Variants in TTN observed in about 807,000 individuals in gnomAD.
TTN encodes the protein titin, also known as connectin.
Under a neutral mutation model 3,223.0 loss-of-function variants are expected in TTN, and 1,525 were observed. That is an observed-to-expected ratio of 0.47 (90% CI 0.45 to 0.49). TTN has a LOEUF of 0.49. TTN is among the 20% of genes least tolerant of loss of function. The pLI, the probability that TTN is intolerant of heterozygous loss-of-function variation, is 0.00. For synonymous variants in TTN, 14,094 were observed against 15,161.0 expected, an observed-to-expected ratio of 0.93 and a Z score of 5.17; for missense variants, 40,786 against 43,424.0, an observed-to-expected ratio of 0.94 and a Z score of 5.40.
At position 178,719,670 on chromosome 2, in the gene TTN, T is replaced by C; in HGVS notation, c.23822A>G (p.Asn7941Ser). ...GGGGATTTTAAGGGAAGCCACTTTATTGATGAATGTAATGTGATGTTTGCT... is the reference window on the plus strand; with the variant it reads ...GGGGATTTTAAGGGAAGCCACTTTACTGATGAATGTAATGTGATGTTTGCT... Reference protein sequence around the residue: ...ADSKHHITFINKVASLKIPCA... With the variant: ...ADSKHHITFISKVASLKIPCA... The change falls in exon 82 of 363, where the codon AAT (asparagine) becomes AGT (serine). Residue 7941 changes from asparagine (N) to serine (S), a missense_variant. Physicochemically the swap from Asn to Ser is conservative, Grantham distance 46. Coordinates refer to ENST00000589042, the MANE Select transcript of TTN (RefSeq NM_001267550.2). The C allele has an allele frequency of 3.1e-6, 5 of 1,613,738 alleles. No individual in the cohort carries two copies. Among genetic ancestry groups the C allele is most frequent in the South Asian group, 1.1e-5 (1 of 91,078 alleles).
rs373013926 is a variant in TTN at position 178,647,289 on chromosome 2, C to T, written c.40141+92G>A. On this transcript the variant is annotated intron_variant, in intron 214 of 362. Coordinates refer to ENST00000589042, the MANE Select transcript of TTN (RefSeq NM_001267550.2). ...CCCCCAAATATCAATAACTTCAATA[C>T]AGACAGACAAATACGTAAGATTCAT... 3.4e-4 allele frequency: 478 copies of T among 1,423,084 alleles called. 11 individuals are homozygous for T. In the South Asian group the frequency reaches 5.8e-3, roughly 17 times the overall value. 88.2% of individuals were successfully genotyped at this position (1,423,084 alleles called of 1,614,324 possible).
In TTN at chr2:178,557,257, A is replaced by G. The variant is rs759288771; in HGVS notation, c.88005T>C (p.Ala29335=). The G allele has an allele frequency of 8.7e-6, 14 of 1,613,878 alleles. No individual in the cohort carries two copies. The highest frequency in any genetic ancestry group is 1.2e-5 in the Non-Finnish European group (14 of 1,179,848). The change falls in exon 329 of 363, where the codon GCT becomes GCC. Residue 29335 remains alanine (A), a synonymous_variant. Coordinates refer to ENST00000589042, the MANE Select transcript of TTN (RefSeq NM_001267550.2). ...CTTCCCATGACAAATACGTACCACA[A>G]GCATCAATTGCCAAGACTGGTTCAG... The part of the protein sequence containing the change: ...HPSEPVLAID[A]CEPPRNVRIT...
In TTN at chr2:178,719,733, G is replaced by T; in HGVS notation, c.23759C>A (p.Ala7920Asp). 2 of 1,613,642 alleles carry T rather than the reference G, an allele frequency of 1.2e-6. No individual in the cohort carries two copies. The highest frequency in any genetic ancestry group is 1.7e-6 in the Non-Finnish European group (2 of 1,179,690). ...CVVTGTPELS[A>D]KWFKDGRELS... Reference sequence around the variant, plus strand: ...TTCTCTTCCATCTTTGAACCACTTGGCTGAGAGTTCTGGTGTTCCAGTCAC... The same window carrying T: ...TTCTCTTCCATCTTTGAACCACTTGTCTGAGAGTTCTGGTGTTCCAGTCAC... Residue 7920 changes from alanine (A) to aspartate (D), a missense_variant, in exon 82 of 363, where the codon GCC (alanine) becomes GAC (aspartate). By Grantham distance (126) the Ala-to-Asp change is moderately radical. Coordinates refer to ENST00000589042, the MANE Select transcript of TTN (RefSeq NM_001267550.2).
chr2:178,621,934 G>A lies in TTN; in HGVS notation c.44988C>T (p.Arg14996=). The A allele has an allele frequency of 6.2e-7, 1 of 1,611,970 alleles. No homozygotes were observed. The highest frequency in any genetic ancestry group is 2.2e-5 in the East Asian group (1 of 44,556). ...KYDIISKGAV[R]ILVINKCLLD... ...GTAGACATTTGTTGATGACAAGAAT[G>A]CGCACTGCTCCCTTGGATATGATGT... The change falls in exon 244 of 363, where the codon CGC becomes CGT. Residue 14996 remains arginine, a synonymous_variant. Coordinates refer to ENST00000589042, the MANE Select transcript of TTN (RefSeq NM_001267550.2).
intron 295 of TTN, 103 bp from the exon 296 acceptor site, chr2:178,594,749 A>T: frequency 1.1e-6 from 1 of 946,924 alleles, no homozygotes; most frequent in Non-Finnish European, 1.6e-6. Context: ...TTTAAACATT[A>T]AACTCTCTGC....
rs1576363473 is a variant in TTN, at chr2:178,607,542, C to T, written c.53146G>A (p.Asp17716Asn). The T allele has an allele frequency of 6.2e-7, 1 of 1,613,092 alleles. No homozygotes were observed. The highest frequency in any genetic ancestry group is 1.1e-5 in the South Asian group (1 of 91,062). The change falls in exon 277 of 363, where the codon GAC becomes AAC. Residue 17716 changes from aspartate (D) to asparagine (N), a missense_variant. Transcript: ENST00000589042. ...CCAACGTTGTCTATTACAACACGGTCTTTATCCAGCTCCCCTTCTTCTTTG... is the reference window on the plus strand; with the variant it reads ...CCAACGTTGTCTATTACAACACGGTTTTTATCCAGCTCCCCTTCTTCTTTG... Reference protein sequence around the residue: ...WTKEEGELDKDRVVIDNVGTK... With the variant: ...WTKEEGELDKNRVVIDNVGTK...
In TTN at chr2:178,667,475, TAG is replaced by T; in HGVS notation, c.35678_35679del (p.Thr11893AsnfsTer3). 1.2e-6 allele frequency: 2 copies of T among 1,600,052 alleles called. No individual in the cohort carries two copies. The highest frequency in any genetic ancestry group is 1.7e-6 in the Non-Finnish European group (2 of 1,178,714). Reference protein sequence around the residue: ...KVVPEDKIYVTIPKKRETPAT... With the variant: ...KVVPEDKIYVXIPKKRETPAT... ...GCTGGTGTTTCTCTCTTTTTAGGAA[TAG>T]TCACATATATTTTGTCTTCTGGAAC... On this transcript the variant is annotated frameshift_variant, in exon 161 of 363. Transcript: ENST00000589042. LOFTEE classifies it high-confidence loss of function.
At chr2:178,802,838 G>A (rs1364089095) in intron 2 of TTN, among the ~76,000 whole-genome samples, 1 of 152,110 alleles carries the variant, frequency 6.6e-6, no homozygotes. Flanking sequence ...GTGGTTACAG[G>A]GACACTGTCT....
At position 178,714,064 on chromosome 2, in the gene TTN, T is replaced by C. The variant is rs1165281102; in HGVS notation, c.26594A>G (p.Lys8865Arg). The C allele has an allele frequency of 3.7e-6, 6 of 1,613,512 alleles. No individual in the cohort carries two copies. Among genetic ancestry groups the C allele is most frequent in the Admixed American group, 1.7e-5 (1 of 59,956 alleles). Residue 8865 changes from lysine to arginine, a missense_variant, in exon 92 of 363, where the codon AAG becomes AGG. Coordinates refer to ENST00000589042, the MANE Select transcript of TTN (RefSeq NM_001267550.2). ...GTCACTTGTTAGCTCTTTTCCATCC[T>C]TAAACCACTTAGTACTGAGTTCAGG... ...GTPELSTKWFKDGKELTSDNK... is the reference protein window; with the variant it reads ...GTPELSTKWFRDGKELTSDNK...
intron 52 of TTN, 22 bp downstream of exon 52, chr2:178,734,306 C>T (rs756346238): frequency 6.4e-5 from 99 of 1,541,584 alleles, no homozygotes; most frequent in Non-Finnish European, 8.5e-5. Context: ...ATTAAAGAGA[C>T]ATTAGTTTTT....
chr2:178,626,490 G>A (rs76896003), intron 240 of TTN, among the ~76,000 whole-genome samples: 4,407 of 152,020 alleles, frequency 0.029, 104 homozygotes, highest in East Asian at 0.13. Context: ...TTTACTTAGC[G>A]TTAAAAATAA....
At chr2:178,716,397 A>G (rs2077485843) in intron 88 of TTN, among the ~76,000 whole-genome samples, 1 of 152,170 alleles carries the variant, frequency 6.6e-6, no homozygotes, top group Non-Finnish European at 1.5e-5. Flanking sequence ...TATGTCATAG[A>G]GCAAATGGGC....
chr2:178,718,516 G>A lies in TTN; in HGVS notation c.24590C>T (p.Thr8197Ile), dbSNP rs748587371. The A allele has an allele frequency of 7.4e-6, 12 of 1,613,754 alleles. No individual in the cohort carries two copies. Among genetic ancestry groups the A allele is most frequent in the East Asian group, 2.2e-5 (1 of 44,850 alleles). Residue 8197 changes from threonine to isoleucine, a missense_variant, in exon 85 of 363, where the codon ACA becomes ATA. Coordinates refer to ENST00000589042, the MANE Select transcript of TTN (RefSeq NM_001267550.2). ...PIVLEATYTG[T>I]PPISVSWIKD... Reference sequence around the variant, plus strand: ...TATCCAGCTCACTGAGATTGGAGGTGTGCCAGTGTATGTGGCCTCGAGAAC... The same window carrying A: ...TATCCAGCTCACTGAGATTGGAGGTATGCCAGTGTATGTGGCCTCGAGAAC...
chr2:178,723,553 A>C lies in TTN; in HGVS notation c.21547T>G (p.Cys7183Gly). Residue 7183 changes from cysteine to glycine, a missense_variant, in exon 74 of 363, where the codon TGC becomes GGC. Coordinates refer to ENST00000589042, the MANE Select transcript of TTN (RefSeq NM_001267550.2). ...ACAGTGTCTTCAAAATAGATGTTGCACCGGTCTCCTTTCACTAGTTCTCTG... is the reference window on the plus strand; with the variant it reads ...ACAGTGTCTTCAAAATAGATGTTGCCCCGGTCTCCTTTCACTAGTTCTCTG... ...GARELVKGDR[C>G]NIYFEDTVAE... 1 of 1,613,432 alleles carries C rather than the reference A, an allele frequency of 6.2e-7. No homozygotes were observed. Among genetic ancestry groups the C allele is most frequent in the African/African-American group, 1.3e-5 (1 of 75,016 alleles).
intron 126 of TTN, among the ~76,000 whole-genome samples, 165 bp downstream of exon 126, chr2:178,688,512 G>A (rs2071455601): frequency 6.6e-6 from 1 of 152,140 alleles, no homozygotes; most frequent in African/African-American, 2.4e-5. Context: ...AGACACAAAA[G>A]ACTCAGTCCC....
rs2057815699 is a variant in TTN at position 178,618,914 on chromosome 2, GTTA to G, written c.46697-64_46697-62del. ...ATTAAACGTAGCCAAGCTACATCATGTTATTATGCATTTATTAGAAAATATTGG... is the reference window on the plus strand; with the variant it reads ...ATTAAACGTAGCCAAGCTACATCATGTTATGCATTTATTAGAAAATATTGG... On this transcript the variant is annotated intron_variant, in intron 250 of 362. Coordinates refer to ENST00000589042, the MANE Select transcript of TTN (RefSeq NM_001267550.2). The G allele has an allele frequency of 1.3e-5, 21 of 1,561,364 alleles. No individual in the cohort carries two copies. In the South Asian group the frequency reaches 2.3e-4, roughly 17 times the overall value.
intron 159 of TTN, among the ~76,000 whole-genome samples, chr2:178,668,625 G>A (rs1474712561): frequency 2.0e-5 from 3 of 151,710 alleles, no homozygotes; most frequent in Non-Finnish European, 4.4e-5. Flanking sequence ...CCAGCCACTC[G>A]GGAGGCTGGG....
chr2:178,575,110 A>G lies in TTN; in HGVS notation c.71022T>C (p.Leu23674=), dbSNP rs201333699. ...TVTWKKGDQI[L]KQTQRVNFET... is the part of the protein sequence containing the mutation. The stretch of plus-strand genomic sequence containing the variant: ...CAAAATTAACTCTCTGTGTCTGTTT[A>G]AGAATTTGGTCTCCTTTTTTCCATG... The change falls in exon 326 of 363, where the codon CTT becomes CTC. Residue 23674 remains leucine, a synonymous_variant. Coordinates refer to ENST00000589042, the MANE Select transcript of TTN (RefSeq NM_001267550.2). This position sits in a 1 kb window ranked among gnomAD's most constrained non-coding sequence, Gnocchi z 4.0. 14 of 1,612,974 alleles carry G rather than the reference A, an allele frequency of 8.7e-6. No individual in the cohort carries two copies. Among genetic ancestry groups the G allele is most frequent in the Non-Finnish European group, 1.7e-6 (2 of 1,179,502 alleles).
Position 178,542,369 on chromosome 2 carries a change from T to C in TTN, c.97387A>G (p.Arg32463Gly), listed in dbSNP as rs1398002611. 2.5e-6 allele frequency: 4 copies of C among 1,613,494 alleles called. No homozygotes were observed. The highest frequency in any genetic ancestry group is 3.4e-6 in the Non-Finnish European group (4 of 1,179,706). ...SVTRSTFKFT[R>G]LTEGNEYVFR... ...ACATACTCATTTCCTTCGGTGAGTC[T>C]GGTAAACTTAAACGTGGACCTAGTC... Residue 32463 changes from arginine to glycine, a missense_variant, in exon 349 of 363, where the codon AGA (arginine) becomes GGA (glycine). Coordinates refer to ENST00000589042, the MANE Select transcript of TTN (RefSeq NM_001267550.2).
Sources: allele counts gnomAD v4.1 joint callset (sites outside exome capture counted in the v4.1 genomes callset), GRCh38; gene constraint gnomAD v4.1.1; non-coding constraint Gnocchi (gnomAD v3.1); transcripts MANE v1.5; gene names NCBI Gene and HGNC (gene_info 2026-07-23, HGNC 2026-07-21).